Variants in KLF12 observed in about 807,000 individuals in gnomAD.
KLF12 encodes the protein Krueppel-like factor 12.
A neutral mutation model predicts 37.8 loss-of-function variants in KLF12; 9 were observed. That is an observed-to-expected ratio of 0.24 (90% confidence interval 0.14 to 0.42). The LOEUF is 0.42. Among genes scored for constraint, KLF12 ranks in the 10% least tolerant of loss-of-function variants. The pLI is 1.00. For missense variants in KLF12, 411 were observed against 516.0 expected (o/e 0.80, Z 1.97); for synonymous variants, 208 against 202.1 (o/e 1.03, Z -0.25).
chr13:73,746,434 C>G (rs1878376465), intron 6 of KLF12, among the ~76,000 whole-genome samples: 1 of 152,148 alleles, frequency 6.6e-6, no homozygotes, highest in Admixed American at 6.5e-5. Context: ...AACTCATTCA[C>G]CATAGCTTGA....
At chr13:74,000,228 C>A (rs1892238867) in intron 1 of KLF12, among the ~76,000 whole-genome samples, 1 of 152,152 alleles carries the variant, frequency 6.6e-6, no homozygotes, top group Admixed American at 6.5e-5. Flanking sequence ...CTAGGAAAAG[C>A]TATGTCCGAA....
chr13:73,747,567 T>C (rs1321651331), intron 6 of KLF12, among the ~76,000 whole-genome samples: 1 of 152,244 alleles, frequency 6.6e-6, no homozygotes, highest in Non-Finnish European at 1.5e-5. Flanking sequence ...AGCTATGTAT[T>C]AGTCATGGCT....
chr13:74,109,844 C>T (rs1876872798), intron 1 of KLF12, among the ~76,000 whole-genome samples: 1 of 151,944 alleles, frequency 6.6e-6, no homozygotes, highest in Non-Finnish European at 1.5e-5. Flanking sequence ...AAAACCGATC[C>T]GTTTTTACTA....
rs1221949074 is a variant in KLF12, at chr13:74,133,823, A to ACGCGCGCG, written c.-124_-117dup. On this transcript the variant is annotated 5_prime_UTR_variant, in exon 1 of 8. Coordinates refer to ENST00000377669, the MANE Select transcript of KLF12 (RefSeq NM_007249.5). ...CTCTCTCTCCCTTTCTCTCTCTCAC[A>ACGCGCGCG]CGCGCGCGCGCACACACACACACAC... is the stretch of plus-strand genomic sequence containing the variant. Among the ~76,000 whole-genome samples, 2 of 72,734 alleles carry ACGCGCGCG rather than the reference A, an allele frequency of 2.7e-5. No individual in the cohort carries two copies. Among genetic ancestry groups the ACGCGCGCG allele is most frequent in the Non-Finnish European group, 6.7e-5 (2 of 29,668 alleles). The allele number at this position is 72,734 out of a possible 152,430, so 47.7% of individuals were successfully genotyped here.
At chr13:74,086,064 A>T (rs1005910795) in intron 1 of KLF12, among the ~76,000 whole-genome samples, 1 of 252 alleles carries the variant, frequency 4.0e-3, no homozygotes, top group Non-Finnish European at 0.013. Flanking sequence ...AGTGGTTTAA[A>T]CTTTAAAATC....
intron 1 of KLF12, among the ~76,000 whole-genome samples, chr13:74,090,163 CA>C (rs1253255770): frequency 6.6e-6 from 1 of 151,446 alleles, no homozygotes; most frequent in African/African-American, 2.4e-5. Flanking sequence ...GATCCAAAAA[CA>C]AAATTAAAAC....
intron 7 of KLF12, among the ~76,000 whole-genome samples, chr13:73,707,165 G>T (rs1415844223): frequency 6.6e-6 from 1 of 152,144 alleles, no homozygotes; most frequent in East Asian, 1.9e-4. Flanking sequence ...GCATAGGCTC[G>T]AGAGAAACCA....
intron 4 of KLF12, among the ~76,000 whole-genome samples, chr13:73,832,302 T>C (rs373649472): frequency 6.6e-6 from 1 of 152,294 alleles, no homozygotes; most frequent in South Asian, 2.1e-4. Context: ...TTCTCCAACT[T>C]TCGCCTCAAA....
chr13:74,238,513 T>A, the KLF12 span, among the ~76,000 whole-genome samples: 1 of 137,054 alleles, frequency 7.3e-6, no homozygotes, highest in Non-Finnish European at 1.5e-5. Context: ...TCAGAAGGAA[T>A]GGTACCAGTT....
chr13:73,967,816 C>CT (rs906595167), intron 2 of KLF12, among the ~76,000 whole-genome samples: 4 of 152,102 alleles, frequency 2.6e-5, no homozygotes, highest in African/African-American at 4.8e-5. Flanking sequence ...CATAAGTTAA[C>CT]TTTTTCCTGA....
the KLF12 span, among the ~76,000 whole-genome samples, chr13:74,288,179 TGA>T: frequency 6.6e-6 from 1 of 152,164 alleles, no homozygotes; most frequent in Non-Finnish European, 1.5e-5. Context: ...CCAATGGATT[TGA>T]GAGTTACCGC....
chr13:73,908,338 G>C (rs1198247901), intron 3 of KLF12, among the ~76,000 whole-genome samples: 1 of 149,758 alleles, frequency 6.7e-6, no homozygotes, highest in Non-Finnish European at 1.5e-5. Context: ...GGAGGTGGAG[G>C]TTGCAGTGAG....
At chr13:73,842,554 C>A (rs560500180) in intron 4 of KLF12, among the ~76,000 whole-genome samples, 3 of 152,164 alleles carry the variant, frequency 2.0e-5, no homozygotes, top group East Asian at 1.9e-4. Context: ...TGAGCTTAGA[C>A]GGATATGCGC....
intron 6 of KLF12, among the ~76,000 whole-genome samples, chr13:73,740,394 C>G (rs1018345036): frequency 1.3e-5 from 2 of 152,230 alleles, no homozygotes; most frequent in Non-Finnish European, 2.9e-5. Flanking sequence ...GTAAGCCACT[C>G]AGTCTATGGC....
intron 1 of KLF12, among the ~76,000 whole-genome samples, chr13:74,054,240 A>G (rs951378221): frequency 6.6e-6 from 1 of 152,210 alleles, no homozygotes; most frequent in Non-Finnish European, 1.5e-5. Flanking sequence ...CCACTGGAAC[A>G]ATTCATAAAG....
the KLF12 span, chr13:74,257,970 C>T: frequency 1.3e-5 from 2 of 152,116 alleles, no homozygotes; most frequent in African/African-American, 4.8e-5. Flanking sequence ...AATATCTTCT[C>T]ATTACCAGAG....
intron 2 of KLF12, among the ~76,000 whole-genome samples, chr13:73,971,014 CAGT>C (rs1891320346): frequency 2.0e-5 from 3 of 152,066 alleles, no homozygotes; most frequent in Non-Finnish European, 1.5e-5. Context: ...GAAAAGTTGT[CAGT>C]AGTTTTCAAA....
chr13:74,252,485 C>T, the KLF12 span, among the ~76,000 whole-genome samples: 1 of 152,204 alleles, frequency 6.6e-6, no homozygotes, highest in Non-Finnish European at 1.5e-5. Context: ...CTAACTGCCT[C>T]TACAACCTTC....
chr13:74,184,286 T>C, the KLF12 span, among the ~76,000 whole-genome samples: 2 of 152,232 alleles, frequency 1.3e-5, no homozygotes, highest in Admixed American at 6.5e-5. Context: ...ATAAATATCA[T>C]TTCAGAAGAT....
Sources: allele counts gnomAD v4.1 joint callset (sites outside exome capture counted in the v4.1 genomes callset), GRCh38; gene constraint gnomAD v4.1.1; transcripts MANE v1.5; gene names NCBI Gene and HGNC (gene_info 2026-07-23, HGNC 2026-07-21).